GABRG3: variants seen among roughly 807,000 people sequenced by gnomAD.
GABRG3 encodes gamma-aminobutyric acid receptor subunit gamma-3.
In GABRG3, 25 loss-of-function variants were observed where a neutral mutation model predicts 48.8. The observed-to-expected ratio is 0.51, with a 90% confidence interval of 0.37 to 0.72. The LOEUF (loss-of-function observed/expected upper bound fraction) is 0.72, where lower values mean the gene tolerates loss of function less well. Among genes scored for constraint, GABRG3 ranks in the 30% least tolerant of loss-of-function variants. GABRG3 has a pLI of 0.00. For synonymous variants in GABRG3, 227 were observed against 217.6 expected, an observed-to-expected ratio of 1.04 and a Z score of -0.38; for missense variants, 394 against 577.9, an observed-to-expected ratio of 0.68 and a Z score of 3.26.
Position 27,308,658 on chromosome 15 carries a change from A to T in GABRG3, c.271-18151A>T, listed in dbSNP as rs34423289. The stretch of plus-strand genomic sequence containing the variant: ...AATGTAAACATACGCTTATGTATAA[A>T]CATATAATGTAAACATACGCTTATG... On this transcript the variant is annotated intron_variant, in intron 3 of 9. Coordinates refer to ENST00000615808, the MANE Select transcript of GABRG3 (RefSeq NM_033223.5). Among the ~76,000 whole-genome samples the T allele has an allele frequency of 6.7e-3, 1,008 of 149,664 alleles. 15 individuals are homozygous for T. Among genetic ancestry groups the T allele is most frequent in the African/African-American group, 0.023 (968 of 41,324 alleles).
intron 6 of GABRG3, among the ~76,000 whole-genome samples, chr15:27,508,662 T>G (rs1332740779): frequency 1.3e-5 from 2 of 152,168 alleles, no homozygotes; most frequent in African/African-American, 2.4e-5. Context: ...TTAGATCTTC[T>G]GCCAATGAAT....
chr15:27,540,404 A>G lies in GABRG3; in HGVS notation c.*7523A>G, dbSNP rs1891638429. On this transcript the variant is annotated 3_prime_UTR_variant, in exon 10 of 10. Transcript: ENST00000615808. ...AACTGCAAATTTTGTGAGCTCAAAA[A>G]GACAATCACTGTGCTTCTTATCATC... 6.6e-6 allele frequency: 1 copy of G among 152,242 alleles called. No individual in the cohort carries two copies. Among genetic ancestry groups the G allele is most frequent in the Non-Finnish European group, 1.5e-5 (1 of 68,034 alleles). 9.4% of individuals were successfully genotyped at this position (152,242 alleles called of 1,614,324 possible).
At chr15:27,517,525 G>A (rs1450803242) in intron 6 of GABRG3, among the ~76,000 whole-genome samples, 2 of 152,214 alleles carry the variant, frequency 1.3e-5, no homozygotes, top group East Asian at 3.9e-4. Flanking sequence ...AAAGCAGGTG[G>A]ATTTGCTGTA....
intron 6 of GABRG3, among the ~76,000 whole-genome samples, chr15:27,505,097 A>G (rs576867487): frequency 6.6e-6 from 1 of 152,170 alleles, no homozygotes; most frequent in Non-Finnish European, 1.5e-5. Context: ...CGTTGCTTTT[A>G]GTTTTCACAT....
intron 5 of GABRG3, chr15:27,340,678 G>T (rs1190310435): frequency 6.5e-6 from 1 of 152,976 alleles, no homozygotes; most frequent in East Asian, 1.9e-4. Context: ...TGGAACCAAA[G>T]CTTCAGCAAC....
At chr15:27,161,391 A>G (rs1190140112) in intron 3 of GABRG3, 5 of 152,144 alleles carry the variant, frequency 3.3e-5, no homozygotes, top group East Asian at 1.9e-4. Context: ...CCCAAGTTCC[A>G]TGGGGGCAGT....
chr15:27,329,299 C>T (rs28712559), intron 5 of GABRG3, among the ~76,000 whole-genome samples: 17,804 of 151,988 alleles, frequency 0.12, 2,651 homozygotes, highest in African/African-American at 0.35. Context: ...GTTTTGCTCT[C>T]GTCGCCCAGG....
intron 5 of GABRG3, among the ~76,000 whole-genome samples, chr15:27,468,878 A>G (rs985189713): frequency 1.3e-5 from 2 of 152,238 alleles, no homozygotes; most frequent in Non-Finnish European, 2.9e-5. Context: ...TCTTCTATTC[A>G]TGAAATTGTG....
At chr15:27,321,988 A>C (rs978401362) in intron 3 of GABRG3, among the ~76,000 whole-genome samples, 23 of 152,262 alleles carry the variant, frequency 1.5e-4, no homozygotes, top group Admixed American at 1.2e-3. Flanking sequence ...GATGGTTTAC[A>C]TTGGAGGGTC....
chr15:27,294,889 G>T (rs898563047), intron 3 of GABRG3: 1 of 152,176 alleles, frequency 6.6e-6, no homozygotes, highest in Non-Finnish European at 1.5e-5. Context: ...AGAAGAAAAG[G>T]TGCAACAGAA....
At chr15:27,224,929 G>T (rs2140443172) in intron 3 of GABRG3, among the ~76,000 whole-genome samples, 1 of 151,700 alleles carries the variant, frequency 6.6e-6, no homozygotes, top group African/African-American at 2.4e-5. Flanking sequence ...CAGGAGGGGA[G>T]CTGAACATGG....
chr15:27,320,365 C>T (rs559115355), intron 3 of GABRG3, among the ~76,000 whole-genome samples: 1 of 152,156 alleles, frequency 6.6e-6, no homozygotes, highest in Middle Eastern at 3.4e-3. Flanking sequence ...GGATGAAGTG[C>T]ACCCCGATGT....
At chr15:27,433,053 AT>A (rs923876418) in intron 5 of GABRG3, among the ~76,000 whole-genome samples, 7 of 152,106 alleles carry the variant, frequency 4.6e-5, no homozygotes, top group African/African-American at 1.7e-4. Flanking sequence ...GATGATGTAG[AT>A]TTTCTCTACT....
intron 2 of GABRG3, among the ~76,000 whole-genome samples, chr15:27,009,144 C>T (rs1476387234): frequency 1.3e-5 from 2 of 152,200 alleles, no homozygotes; most frequent in African/African-American, 4.8e-5. Context: ...TCGACACATA[C>T]TCCACAGGTG....
At chr15:27,336,611 T>C (rs1893985523) in intron 5 of GABRG3, among the ~76,000 whole-genome samples, 2 of 152,180 alleles carry the variant, frequency 1.3e-5, no homozygotes, top group Admixed American at 6.5e-5. Flanking sequence ...CAGAAGTGTC[T>C]TATAAAACTA....
At chr15:26,979,400 T>C (rs1212421573) in intron 2 of GABRG3, among the ~76,000 whole-genome samples, 1 of 152,202 alleles carries the variant, frequency 6.6e-6, no homozygotes, top group Non-Finnish European at 1.5e-5. Flanking sequence ...GTGGTGTGAA[T>C]GGACATCTCT....
chr15:27,109,855 C>T (rs1446518336), intron 3 of GABRG3, among the ~76,000 whole-genome samples: 1 of 152,022 alleles, frequency 6.6e-6, no homozygotes, highest in Non-Finnish European at 1.5e-5. Flanking sequence ...GCACTCTAGC[C>T]TGGGCGACAG....
chr15:27,527,379 G>A (rs576009445), intron 7 of GABRG3, 54 bp from the exon 8 acceptor site: 2 of 1,548,900 alleles, frequency 1.3e-6, no homozygotes, highest in East Asian at 4.5e-5. Flanking sequence ...GACCGTCTGG[G>A]ATTCCTGTTG....
intron 6 of GABRG3, among the ~76,000 whole-genome samples, chr15:27,497,567 A>T (rs996677359): frequency 1.3e-5 from 2 of 152,184 alleles, no homozygotes; most frequent in African/African-American, 4.8e-5. Context: ...TTTATTCTTA[A>T]ATGAGAAAAT....
Sources: allele counts gnomAD v4.1 joint callset (sites outside exome capture counted in the v4.1 genomes callset), GRCh38; gene constraint gnomAD v4.1.1; transcripts MANE v1.5; gene names NCBI Gene and HGNC (gene_info 2026-07-23, HGNC 2026-07-21).